PRKCI: variants seen among roughly 807,000 people sequenced by gnomAD.
PRKCI encodes the protein protein kinase C iota type.
PRKCI carries 43 observed loss-of-function variants against 84.0 expected under a neutral mutation model. That is an observed-to-expected ratio of 0.51 (90% CI 0.40 to 0.66). The LOEUF is 0.66. Among genes scored for constraint, PRKCI ranks in the 30% least tolerant of loss-of-function variants. The pLI is 0.00. For missense variants in PRKCI, 459 were observed against 745.6 expected (o/e 0.62, Z 4.48); for synonymous variants, 216 against 234.4 (o/e 0.92, Z 0.72).
At chr3:170,256,556 T>G (rs1018768244) in intron 2 of PRKCI, among the ~76,000 whole-genome samples, 3 of 152,192 alleles carry the variant, frequency 2.0e-5, no homozygotes, top group African/African-American at 4.8e-5. Context: ...TTGGGTCTTG[T>G]ATCTTTTATT....
At chr3:170,248,030 C>T (rs1020437045) in intron 2 of PRKCI, among the ~76,000 whole-genome samples, 4 of 152,004 alleles carry the variant, frequency 2.6e-5, no homozygotes, top group African/African-American at 7.2e-5. Context: ...GATGGCAGTA[C>T]GAAGGTCCTA....
At chr3:170,271,053 G>T (rs2108854043) in intron 6 of PRKCI, among the ~76,000 whole-genome samples, 1 of 152,020 alleles carries the variant, frequency 6.6e-6, no homozygotes, top group South Asian at 2.1e-4. Context: ...AAAAAATACA[G>T]AATACAGATG....
At chr3:170,285,173 G>A (rs1023455635) in intron 12 of PRKCI, among the ~76,000 whole-genome samples, 2 of 149,834 alleles carry the variant, frequency 1.3e-5, no homozygotes, top group South Asian at 2.1e-4. Flanking sequence ...TCCGCCTCCC[G>A]GGTTGACGCC....
intron 1 of PRKCI, among the ~76,000 whole-genome samples, chr3:170,232,723 T>C (rs1200158927): frequency 1.3e-5 from 2 of 152,032 alleles, no homozygotes; most frequent in Non-Finnish European, 2.9e-5. Flanking sequence ...CAAAAAAATT[T>C]TTTTTAGAGA....
intron 13 of PRKCI, among the ~76,000 whole-genome samples, chr3:170,293,134 AAGT>A (rs1734603625): frequency 6.6e-6 from 1 of 152,086 alleles, no homozygotes; most frequent in East Asian, 1.9e-4. Context: ...ATGAGTCTGA[AAGT>A]AGAAATACAT....
chr3:170,277,815 CAG>C (rs1734154303), intron 8 of PRKCI, among the ~76,000 whole-genome samples: 1 of 151,832 alleles, frequency 6.6e-6, no homozygotes. Context: ...TTATTATTAT[CAG>C]AGTTTAAAAT....
chr3:170,291,352 A>G (rs2108864637), intron 12 of PRKCI, among the ~76,000 whole-genome samples: 1 of 152,340 alleles, frequency 6.6e-6, no homozygotes, highest in South Asian at 2.1e-4. Flanking sequence ...AGCAACATCT[A>G]ATGAGGACAG....
chr3:170,234,226 T>G (rs1053126193), intron 1 of PRKCI, among the ~76,000 whole-genome samples: 1 of 151,682 alleles, frequency 6.6e-6, no homozygotes, highest in Non-Finnish European at 1.5e-5. Context: ...AGTCAGGGTT[T>G]CTCCATATTG....
intron 2 of PRKCI, among the ~76,000 whole-genome samples, chr3:170,255,536 G>A (rs1198139056): frequency 6.6e-6 from 1 of 152,144 alleles, no homozygotes; most frequent in East Asian, 1.9e-4. Flanking sequence ...TAGTTTATCT[G>A]TTCTAATAGT....
At chr3:170,286,485 C>CTTTTTT (rs34674664) in intron 12 of PRKCI, among the ~76,000 whole-genome samples, 29 of 65,584 alleles carry the variant, frequency 4.4e-4, no homozygotes, top group East Asian at 1.1e-3. Context: ...AACAATGAGG[C>CTTTTTT]TTTTTTTTTT....
At chr3:170,293,757 A>G (rs1734626806) in intron 14 of PRKCI, among the ~76,000 whole-genome samples, 1 of 152,072 alleles carries the variant, frequency 6.6e-6, no homozygotes, top group Non-Finnish European at 1.5e-5. Context: ...GGTTCAAGCA[A>G]TTCTTCTGCC....
At chr3:170,223,488 T>TTTA (rs770329708) in intron 1 of PRKCI, among the ~76,000 whole-genome samples, 20 of 152,296 alleles carry the variant, frequency 1.3e-4, no homozygotes, top group East Asian at 5.8e-4. Flanking sequence ...TAGTTACAGT[T>TTTA]TTAAATTCTC....
At position 170,293,740 on chromosome 3, in the gene PRKCI, C is replaced by T. The variant is rs188498945; in HGVS notation, c.1417+232C>T. Among the ~76,000 whole-genome samples, 278 of 152,258 alleles carry T rather than the reference C, an allele frequency of 1.8e-3. 6 individuals carry two copies. Among genetic ancestry groups the T allele is most frequent in the African/African-American group, 6.5e-3 (268 of 41,534 alleles). On this transcript the variant is annotated intron_variant, in intron 14 of 17. Transcript: ENST00000295797. ...CAATCTCGGCTCCATGCAACCTCCA[C>T]CTCCCTGGTTCAAGCAATTCTTCTG...
intron 3 of PRKCI, among the ~76,000 whole-genome samples, chr3:170,260,827 G>C (rs1372126852): frequency 6.6e-6 from 1 of 152,186 alleles, no homozygotes; most frequent in Non-Finnish European, 1.5e-5. Flanking sequence ...TGGCATAGAA[G>C]AAGTAACCTA....
At chr3:170,285,103 A>G (rs377095851) in intron 12 of PRKCI, among the ~76,000 whole-genome samples, 135 of 144,608 alleles carry the variant, frequency 9.3e-4, no homozygotes, top group African/African-American at 3.4e-3. Flanking sequence ...TTTTTGAGAC[A>G]GGGTCTTGCT....
rs1734678058 is a variant in PRKCI, at chr3:170,295,972, G to C, written c.1479G>C (p.Leu493=). Residue 493 remains leucine (L), a synonymous_variant, in exon 15 of 18, where the codon CTG becomes CTC. Transcript: ENST00000295797. ...RSLSVKAASV[L]KSFLNKDPKE... The stretch of plus-strand genomic sequence containing the variant: ...TGTCTGTAAAAGCTGCAAGTGTTCT[G>C]AAGAGTTTTCTTAATAAGGTATAAA... The C allele has an allele frequency of 6.4e-7, 1 of 1,554,330 alleles. No homozygotes were observed. Among genetic ancestry groups the C allele is most frequent in the Admixed American group, 1.8e-5 (1 of 56,934 alleles).
chr3:170,299,133 AT>A (rs746942014), intron 17 of PRKCI, 23 bp downstream of exon 17: 153 of 1,437,044 alleles, frequency 1.1e-4, no homozygotes, highest in East Asian at 1.5e-4. Context: ...GTACACTGAA[AT>A]TTTTTTTTAA....
At chr3:170,255,792 T>C (rs955858819) in intron 2 of PRKCI, among the ~76,000 whole-genome samples, 1 of 152,270 alleles carries the variant, frequency 6.6e-6, no homozygotes, top group African/African-American at 2.4e-5. Flanking sequence ...GGTGTGGGTC[T>C]GTCTTATATG....
intron 2 of PRKCI, among the ~76,000 whole-genome samples, chr3:170,250,272 G>GAA (rs35474071): frequency 1.8e-4 from 19 of 104,578 alleles, no homozygotes; most frequent in Admixed American, 9.5e-4. Flanking sequence ...GACTTGGTCT[G>GAA]AAAAAAAAAA....
Sources: allele counts gnomAD v4.1 joint callset (sites outside exome capture counted in the v4.1 genomes callset), GRCh38; gene constraint gnomAD v4.1.1; transcripts MANE v1.5; gene names NCBI Gene and HGNC (gene_info 2026-07-23, HGNC 2026-07-21).